The following DOCK2 variants were observed in gnomAD, a reference collection of about 807,000 sequenced individuals.
The protein encoded by DOCK2 is dedicator of cytokinesis 2.
In DOCK2, 87 loss-of-function variants were observed where a neutral mutation model predicts 248.9. That is an observed-to-expected ratio of 0.35 (90% CI 0.29 to 0.42). The LOEUF is 0.42. DOCK2 is among the 10% of genes least tolerant of loss of function. The pLI is 1.00. For synonymous variants in DOCK2, 805 were observed against 821.6 expected, an observed-to-expected ratio of 0.98 and a Z score of 0.35; for missense variants, 1,747 against 2,300.2, an observed-to-expected ratio of 0.76 and a Z score of 4.92.
At chr5:170,070,390 C>T (rs552820909) in intron 46 of DOCK2, among the ~76,000 whole-genome samples, 53 of 152,356 alleles carry the variant, frequency 3.5e-4, no homozygotes, top group African/African-American at 1.3e-3. Flanking sequence ...TTCTCTGCCT[C>T]TGCCAATTTA....
intron 27 of DOCK2, among the ~76,000 whole-genome samples, chr5:169,842,513 A>G (rs1201582932): frequency 6.6e-6 from 1 of 152,124 alleles, no homozygotes; most frequent in African/African-American, 2.4e-5. Context: ...GTGTGCCACC[A>G]TGCCCAGCTA....
At chr5:169,691,763 G>A (rs1458201606) in intron 9 of DOCK2, among the ~76,000 whole-genome samples, 2 of 152,036 alleles carry the variant, frequency 1.3e-5, no homozygotes, top group Non-Finnish European at 2.9e-5. Context: ...AGATCTTTGA[G>A]CCTCTCTGAG....
chr5:170,052,485 T>C (rs1448690233), intron 41 of DOCK2, among the ~76,000 whole-genome samples: 1 of 152,206 alleles, frequency 6.6e-6, no homozygotes, highest in Non-Finnish European at 1.5e-5. Flanking sequence ...GAAGGGCTAA[T>C]ATTTGCTAAA....
At chr5:169,997,964 T>G (rs914185039) in intron 30 of DOCK2, 1 of 456,222 alleles carries the variant, frequency 2.2e-6, no homozygotes, top group Non-Finnish European at 4.4e-6. Context: ...CTACCCTTTC[T>G]ACTTCATAGG....
chr5:170,081,222 G>A (rs11952231), intron 50 of DOCK2: 37,209 of 152,404 alleles, frequency 0.24, 6,234 homozygotes, highest in African/African-American at 0.46. Context: ...CCACTGCCCC[G>A]CCACCACCCC....
intron 10 of DOCK2, among the ~76,000 whole-genome samples, chr5:169,697,608 A>T (rs1001661264): frequency 6.6e-6 from 1 of 152,104 alleles, no homozygotes; most frequent in Non-Finnish European, 1.5e-5. Context: ...GAGAGAATGG[A>T]TGCTCGGTTT....
chr5:169,858,725 G>A lies in DOCK2; in HGVS notation c.2799+17873G>A, dbSNP rs569511310. On this transcript the variant is annotated intron_variant, in intron 27 of 51. Coordinates refer to ENST00000520908, the MANE Select transcript of DOCK2 (RefSeq NM_004946.3). ...ATATTTGAGAAGTGAGAGAGGGGCT[G>A]GGTACGGTGTCGTGCACCTGTAATC... Among the ~76,000 whole-genome samples, 684 of 152,294 alleles carry A rather than the reference G, an allele frequency of 4.5e-3. 9 individuals carry two copies. Among genetic ancestry groups the A allele is most frequent in the African/African-American group, 0.015 (639 of 41,556 alleles).
chr5:169,703,502 C>T (rs566197291), intron 14 of DOCK2, among the ~76,000 whole-genome samples: 1 of 152,324 alleles, frequency 6.6e-6, no homozygotes, highest in South Asian at 2.1e-4. Context: ...CTCTGAGACA[C>T]TTCACTACAA....
chr5:169,792,586 G>A (rs969382670), intron 25 of DOCK2, among the ~76,000 whole-genome samples: 2 of 152,008 alleles, frequency 1.3e-5, no homozygotes. Context: ...AGCTGGGACT[G>A]CAGGTGCATG....
chr5:169,896,088 G>C lies in DOCK2; in HGVS notation c.2799+55236G>C, dbSNP rs1773587176. On this transcript the variant is annotated intron_variant, in intron 27 of 51. Coordinates refer to ENST00000520908, the MANE Select transcript of DOCK2 (RefSeq NM_004946.3). Reference sequence around the variant, plus strand: ...GTTTCCCAGTCCCATGTCTGAGCCTGATTGGCTGCACTGGGGCACAGGGAT... The same window carrying C: ...GTTTCCCAGTCCCATGTCTGAGCCTCATTGGCTGCACTGGGGCACAGGGAT... Among the ~76,000 whole-genome samples, 3 of 152,124 alleles carry C rather than the reference G, an allele frequency of 2.0e-5. No homozygotes were observed. The South Asian group carries it at 6.2e-4, about 32-fold the overall frequency.
chr5:169,822,908 A>G (rs1226370393), intron 26 of DOCK2, among the ~76,000 whole-genome samples: 1 of 152,232 alleles, frequency 6.6e-6, no homozygotes, highest in Non-Finnish European at 1.5e-5. Flanking sequence ...GAAGAATCCA[A>G]TAGACACAAT....
intron 13 of DOCK2, among the ~76,000 whole-genome samples, chr5:169,701,943 A>G (rs116821147): frequency 0.016 from 2,489 of 152,240 alleles, 63 homozygotes; most frequent in African/African-American, 0.057. Context: ...CGGCAGATGT[A>G]TATGTTTGGT....
chr5:169,761,687 G>T lies in DOCK2; in HGVS notation c.2554+62G>T, dbSNP rs1764497843. 13 of 1,468,474 alleles carry T rather than the reference G, an allele frequency of 8.9e-6. No individual in the cohort carries two copies. In the Middle Eastern group the frequency reaches 1.9e-3, roughly 216 times the overall value. 91.0% of individuals were successfully genotyped at this position (1,468,474 alleles called of 1,614,324 possible). A position where few individuals can be genotyped will look rare whatever the true frequency, so the allele number is the denominator to read the frequency against. Reference sequence around the variant, plus strand: ...GGCCAATAAACCCCACATCATTTTGGGGAAGCTTGGCAGGAGAGGGCAACC... The same window carrying T: ...GGCCAATAAACCCCACATCATTTTGTGGAAGCTTGGCAGGAGAGGGCAACC... On this transcript the variant is annotated intron_variant, in intron 25 of 51. Transcript: ENST00000520908.
intron 27 of DOCK2, among the ~76,000 whole-genome samples, chr5:169,857,986 C>T (rs1770988240): frequency 1.3e-5 from 2 of 152,088 alleles, no homozygotes; most frequent in South Asian, 4.2e-4. Flanking sequence ...AGAATTGTTT[C>T]TTTATGTATA....
chr5:169,790,492 C>T (rs1005734364), intron 25 of DOCK2, among the ~76,000 whole-genome samples: 13 of 152,186 alleles, frequency 8.5e-5, no homozygotes, highest in African/African-American at 2.9e-4. Context: ...TCAATTTATA[C>T]CCACCTCTTG....
chr5:169,747,659 CAAGAGAAA>C (rs1763683344), intron 23 of DOCK2, among the ~76,000 whole-genome samples, 155 bp downstream of exon 23: 1 of 152,200 alleles, frequency 6.6e-6, no homozygotes, highest in Non-Finnish European at 1.5e-5. Flanking sequence ...CTCCTCAGGA[CAAGAGAAA>C]ACGTATTTAT....
At chr5:169,916,944 A>G (rs1326438401) in intron 27 of DOCK2, among the ~76,000 whole-genome samples, 1 of 152,192 alleles carries the variant, frequency 6.6e-6, no homozygotes, top group African/African-American at 2.4e-5. Flanking sequence ...GCTGTAAAGA[A>G]ATGCAAATAG....
At chr5:169,673,759 A>G (rs1759172773) in intron 5 of DOCK2, among the ~76,000 whole-genome samples, 1 of 152,158 alleles carries the variant, frequency 6.6e-6, no homozygotes, top group Non-Finnish European at 1.5e-5. Flanking sequence ...TTACTATGAA[A>G]CTGCAACTTT....
chr5:169,803,312 A>T, intron 26 of DOCK2, 106 bp downstream of exon 26: 1 of 1,445,212 alleles, frequency 6.9e-7, no homozygotes, highest in Non-Finnish European at 9.2e-7. Context: ...CTAAAGATAA[A>T]AGTCAACGGC....
Sources: allele counts gnomAD v4.1 joint callset (sites outside exome capture counted in the v4.1 genomes callset), GRCh38; gene constraint gnomAD v4.1.1; transcripts MANE v1.5; gene names NCBI Gene and HGNC (gene_info 2026-07-23, HGNC 2026-07-21).